The following PAX6 variants were observed in gnomAD, a reference collection of about 807,000 sequenced individuals.
PAX6 encodes the protein paired box protein Pax-6.
PAX6 carries 7 observed loss-of-function variants against 60.7 expected under a neutral mutation model. The observed-to-expected ratio is 0.12, with a 90% CI of 0.07 to 0.22. The LOEUF (loss-of-function observed/expected upper bound fraction) is 0.22, where lower values mean the gene tolerates loss of function less well. Ranked by LOEUF, PAX6 falls within the 10% of genes least tolerant of loss-of-function variation. The pLI, the probability that PAX6 is intolerant of heterozygous loss-of-function variation, is 1.00. For synonymous variants in PAX6, 208 were observed against 201.2 expected (o/e 1.03, Z -0.29); for missense variants, 355 against 555.2 (o/e 0.64, Z 3.62).
chr11:31,791,254 C>G lies in PAX6; in HGVS notation c.1075-394G>C, dbSNP rs1001675111. 9 of 353,822 alleles carry G rather than the reference C, an allele frequency of 2.5e-5. 1 individual carries two copies. Among genetic ancestry groups the G allele is most frequent in the Non-Finnish European group, 3.8e-5 (7 of 182,520 alleles). 21.9% of individuals were successfully genotyped at this position (353,822 alleles called of 1,614,324 possible). A position where few individuals can be genotyped will look rare whatever the true frequency, so the allele number is the denominator to read the frequency against. ...TGGATTTATTTGGGAACCCTATGAC[C>G]CCCAGAGCCCATATCTCAAGCTTTG... On this transcript the variant is annotated intron_variant, in intron 12 of 13. Coordinates refer to ENST00000640368, the MANE Select transcript of PAX6 (RefSeq NM_001368894.2).
At position 31,800,825 on chromosome 11, in the gene PAX6, A is replaced by G; in HGVS notation, c.431T>C (p.Leu144Pro). The G allele has an allele frequency of 6.2e-7, 1 of 1,614,186 alleles. No individual in the cohort carries two copies. The highest frequency in any genetic ancestry group is 1.1e-5 in the South Asian group (1 of 91,084). Residue 144 changes from leucine to proline, a missense_variant, in exon 8 of 14, where the codon CTG becomes CCG. Leu to Pro is a moderately conservative substitution (Grantham distance 98). Coordinates refer to ENST00000640368, the MANE Select transcript of PAX6 (RefSeq NM_001368894.2). ...VSSINRVLRN[L>P]ASEKQQMGAD... is the part of the protein sequence containing the mutation. ...GCCCATCTGTTGCTTTTCGCTAGCC[A>G]GGTTGCGAAGAACTCTGTTTATTGA...
Position 31,801,542 on chromosome 11 carries a change from A to C in PAX6, c.399+19T>G. 6.2e-7 allele frequency: 1 copy of C among 1,614,076 alleles called. No individual in the cohort carries two copies. The highest frequency in any genetic ancestry group is 8.5e-7 in the Non-Finnish European group (1 of 1,180,030). On this transcript the variant is annotated intron_variant, in intron 7 of 13. Transcript: ENST00000640368. Reference sequence around the variant, plus strand: ...ATTGGGCTTAGGGCAGGGAGGGCAGATGTTCTCAATGAACTTACGCTTGGT... The same window carrying C: ...ATTGGGCTTAGGGCAGGGAGGGCAGCTGTTCTCAATGAACTTACGCTTGGT...
chr11:31,792,795 T>C (rs1034105219), intron 12 of PAX6: 5 of 195,646 alleles, frequency 2.6e-5, no homozygotes, highest in Non-Finnish European at 4.2e-5. Context: ...GCATCAAGCT[T>C]CCCAGGCAGC....
intron 3 of PAX6, 142 bp from the exon 4 acceptor site, chr11:31,806,604 AG>A: frequency 3.0e-6 from 2 of 672,678 alleles, no homozygotes; most frequent in Non-Finnish European, 2.7e-6. Flanking sequence ...GGGCGATCTG[AG>A]GGTCACTCAG....
intron 12 of PAX6, chr11:31,791,750 G>C (rs1950046444): frequency 6.6e-6 from 1 of 152,176 alleles, no homozygotes; most frequent in African/African-American, 2.4e-5. Flanking sequence ...AGAAGGTCCA[G>C]AGGAAGACAC....
intron 12 of PAX6, chr11:31,791,590 C>T (rs1949998207): frequency 6.5e-6 from 1 of 153,114 alleles, no homozygotes; most frequent in Non-Finnish European, 1.5e-5. Flanking sequence ...GGTACTATGC[C>T]ATGGCAGCAA....
chr11:31,794,418 CACCACACACACACA>C (rs1950827360), intron 9 of PAX6, 198 bp downstream of exon 9: 29 of 466,376 alleles, frequency 6.2e-5, no homozygotes, highest in Middle Eastern at 5.7e-4. Flanking sequence ...CACACACACA[CACCACACACACACA>C]CACACACACA....
upstream of PAX6, among the ~76,000 whole-genome samples, chr11:31,815,676 A>T (rs1384670612): frequency 6.6e-6 from 1 of 152,018 alleles, no homozygotes; most frequent in East Asian, 1.9e-4. Flanking sequence ...TCAAGGCACT[A>T]AGGGGCTCAA....
At chr11:31,798,050 T>C (rs1952222818) in intron 8 of PAX6, among the ~76,000 whole-genome samples, 1 of 152,130 alleles carries the variant, frequency 6.6e-6, no homozygotes, top group Non-Finnish European at 1.5e-5. Context: ...CCTTAGTTTC[T>C]TAGTGTCTTA....
chr11:31,801,837 T>G, intron 6 of PAX6, 34 bp downstream of exon 6: 1 of 1,614,086 alleles, frequency 6.2e-7, no homozygotes, highest in Non-Finnish European at 8.5e-7. Context: ...AAAATAAAAT[T>G]GTTTAAGTAT....
intron 3 of PAX6, 112 bp from the exon 4 acceptor site, chr11:31,806,574 T>C (rs1955862678): frequency 8.5e-6 from 7 of 826,366 alleles, no homozygotes; most frequent in East Asian, 5.4e-5. Context: ...TCTTTAGGAA[T>C]TGATCCACTC....
upstream of PAX6, among the ~76,000 whole-genome samples, chr11:31,815,178 T>G (rs1957319593): frequency 6.6e-6 from 1 of 152,206 alleles, no homozygotes; most frequent in South Asian, 2.1e-4. Flanking sequence ...GTTGTCCAGA[T>G]AGGAGTTAGG....
intron 4 of PAX6, chr11:31,804,817 C>G (rs1230333153): frequency 6.6e-6 from 1 of 152,268 alleles, no homozygotes; most frequent in Non-Finnish European, 1.5e-5. Context: ...ATCTAGACCT[C>G]CCTCCTCACT....
chr11:31,798,002 G>GAGAC (rs1952205426), intron 8 of PAX6, among the ~76,000 whole-genome samples: 2 of 151,906 alleles, frequency 1.3e-5, no homozygotes, highest in African/African-American at 2.4e-5. Flanking sequence ...GAGAGAGAGA[G>GAGAC]AGAGACAGAG....
intron 12 of PAX6, 35 bp from the exon 13 acceptor site, chr11:31,790,895 G>T (rs772340769): frequency 1.9e-6 from 3 of 1,609,684 alleles, no homozygotes; most frequent in South Asian, 2.2e-5. Flanking sequence ...GGTTACTGAG[G>T]AACACATCAC....
At chr11:31,806,648 T>C in intron 3 of PAX6, 186 bp from the exon 4 acceptor site, 1 of 573,028 alleles carries the variant, frequency 1.7e-6, no homozygotes, top group South Asian at 2.3e-5. Flanking sequence ...AATCTACCCT[T>C]TGGGGCTTGA....
intron 9 of PAX6, 164 bp downstream of exon 9, chr11:31,794,466 A>T: frequency 2.6e-6 from 1 of 387,840 alleles, no homozygotes; most frequent in South Asian, 2.2e-5. Context: ...ACACACACAC[A>T]CACACACACA....
chr11:31,806,491 T>G, intron 3 of PAX6, 29 bp from the exon 4 acceptor site: 1 of 1,546,294 alleles, frequency 6.5e-7, no homozygotes, highest in Non-Finnish European at 8.8e-7. Context: ...GAGTTAATCC[T>G]CGGGCAGCTG....
In PAX6 at chr11:31,789,577, T is replaced by TAA. The variant is rs200391530; in HGVS notation, c.*355_*356dup. 9.5e-4 allele frequency: 466 copies of TAA among 490,128 alleles called. No individual in the cohort carries two copies. The highest frequency in any genetic ancestry group is 2.4e-3 in the South Asian group (87 of 36,974). 30.4% of individuals were successfully genotyped at this position (490,128 alleles called of 1,614,324 possible). On this transcript the variant is annotated 3_prime_UTR_variant, in exon 14 of 14. Coordinates refer to ENST00000640368, the MANE Select transcript of PAX6 (RefSeq NM_001368894.2). The stretch of plus-strand genomic sequence containing the variant: ...AGCTTGTTGATCATGGTTTTCTTTT[T>TAA]AAAAAAAAAAAAAACAACTTCATGA...
Sources: gnomAD v4.1 joint callset for allele counts (sites outside exome capture counted in the v4.1 genomes callset) on GRCh38, gnomAD v4.1.1 for gene constraint, MANE v1.5 for transcripts, NCBI Gene and HGNC (gene_info 2026-07-23, HGNC 2026-07-21) for gene names.